The following GPAT3 variants were observed in gnomAD, a reference collection of about 807,000 sequenced individuals.
The protein encoded by GPAT3 is glycerol-3-phosphate acyltransferase 3.
GPAT3 carries 53 observed loss-of-function variants against 58.8 expected under a neutral mutation model. That is an observed-to-expected ratio of 0.90 (90% CI 0.72 to 1.13). The LOEUF (loss-of-function observed/expected upper bound fraction) is 1.13. Among genes scored for constraint, GPAT3 ranks in the 50% most tolerant of loss-of-function variants. The probability of loss-of-function intolerance (pLI) is 0.00; values close to 1 mark genes in which losing one functional copy is unlikely to be tolerated. For missense variants in GPAT3, 511 were observed against 527.6 expected, an observed-to-expected ratio of 0.97 and a Z score of 0.31; for synonymous variants, 197 against 187.4, an observed-to-expected ratio of 1.05 and a Z score of -0.42.
chr4:83,574,933 T>G (rs1413366473), intron 2 of GPAT3, among the ~76,000 whole-genome samples: 1 of 146,428 alleles, frequency 6.8e-6, no homozygotes, highest in Non-Finnish European at 1.5e-5. Flanking sequence ...CGGAGTGCAG[T>G]GGCGCGATCT....
chr4:83,536,244 A>G lies in GPAT3; in HGVS notation c.-379A>G. On this transcript the variant is annotated 5_prime_UTR_variant, in exon 1 of 12. Transcript: ENST00000264409. ...CTGAGTTGTCGCAATCGCCACCCAG[A>G]GGAAATCAGGCACCGGGCGGGGCGG... The G allele has an allele frequency of 9.9e-7, 1 of 1,006,646 alleles. No individual in the cohort carries two copies. The highest frequency in any genetic ancestry group is 1.2e-6 in the Non-Finnish European group (1 of 843,996). 62.4% of individuals were successfully genotyped at this position (1,006,646 alleles called of 1,614,324 possible). A position where few individuals can be genotyped will look rare whatever the true frequency, so the allele number is the denominator to read the frequency against.
At chr4:83,581,484 C>A in intron 2 of GPAT3, 78 bp from the exon 3 acceptor site, 2 of 1,453,018 alleles carry the variant, frequency 1.4e-6, no homozygotes, top group Non-Finnish European at 1.9e-6. Context: ...TATTTAACTT[C>A]TACACAGTTA....
chr4:83,595,861 T>G (rs1726807485), intron 7 of GPAT3, among the ~76,000 whole-genome samples: 1 of 152,210 alleles, frequency 6.6e-6, no homozygotes, highest in Admixed American at 6.5e-5. Flanking sequence ...GGTTATCGCT[T>G]CTATAAACAC....
intron 2 of GPAT3, among the ~76,000 whole-genome samples, chr4:83,556,859 C>A (rs1724962035): frequency 6.6e-6 from 1 of 151,940 alleles, no homozygotes; most frequent in South Asian, 2.1e-4. Flanking sequence ...TAACAAAATA[C>A]CATAGAGTGG....
chr4:83,600,457 C>T (rs1727014955), intron 11 of GPAT3, among the ~76,000 whole-genome samples: 1 of 152,046 alleles, frequency 6.6e-6, no homozygotes, highest in African/African-American at 2.4e-5. Context: ...AACATTCAGT[C>T]TATCTCAGTG....
intron 2 of GPAT3, among the ~76,000 whole-genome samples, chr4:83,565,762 C>T (rs1465483635): frequency 2.0e-5 from 3 of 152,204 alleles, no homozygotes; most frequent in East Asian, 3.9e-4. Flanking sequence ...GTTTAAAAGG[C>T]GGGTCCAGGG....
At chr4:83,562,944 T>C (rs535714734) in intron 2 of GPAT3, among the ~76,000 whole-genome samples, 6 of 152,188 alleles carry the variant, frequency 3.9e-5, no homozygotes, top group Non-Finnish European at 7.3e-5. Context: ...AACAAAAACA[T>C]TGAATGTGTT....
chr4:83,548,001 G>T (rs1173096332), intron 2 of GPAT3, among the ~76,000 whole-genome samples: 1 of 151,954 alleles, frequency 6.6e-6, no homozygotes, highest in African/African-American at 2.4e-5. Flanking sequence ...TAAGCTTAAG[G>T]ACTTTTCCTC....
At chr4:83,572,904 AG>A (rs1157080883) in intron 2 of GPAT3, among the ~76,000 whole-genome samples, 4 of 152,204 alleles carry the variant, frequency 2.6e-5, no homozygotes, top group African/African-American at 9.6e-5. Context: ...TGGTATATCT[AG>A]AGGTTAGCCT....
intron 2 of GPAT3, among the ~76,000 whole-genome samples, chr4:83,560,021 G>A (rs1725076055): frequency 6.6e-6 from 1 of 152,186 alleles, no homozygotes; most frequent in South Asian, 2.1e-4. Flanking sequence ...AGGAGCTTTG[G>A]TCTTTGTGAA....
intron 1 of GPAT3, among the ~76,000 whole-genome samples, chr4:83,543,269 T>A (rs969749706): frequency 4.0e-5 from 6 of 151,662 alleles, no homozygotes; most frequent in South Asian, 2.1e-4. Context: ...AAAAAAAAAA[T>A]TTTGTCTCTG....
In GPAT3 at chr4:83,539,640, A is replaced by G. The variant is rs554660493; in HGVS notation, c.141+2877A>G. The stretch of plus-strand genomic sequence containing the variant: ...TTCAAGTAATTATCATTTATTGAGC[A>G]CCTACTTCTATTTTCTTCTGCATTG... On this transcript the variant is annotated intron_variant, in intron 1 of 11. Coordinates refer to ENST00000264409, the MANE Select transcript of GPAT3 (RefSeq NM_032717.5). Among the ~76,000 whole-genome samples the G allele has an allele frequency of 3.7e-4, 56 of 152,302 alleles. 1 individual carries two copies. The South Asian group carries it at 8.5e-3, about 23-fold the overall frequency.
chr4:83,559,124 A>C (rs755907709), intron 2 of GPAT3, among the ~76,000 whole-genome samples: 2 of 152,258 alleles, frequency 1.3e-5, no homozygotes, highest in Non-Finnish European at 2.9e-5. Context: ...TAAATAGTTT[A>C]GAATTTTGGG....
chr4:83,587,149 A>G, intron 3 of GPAT3, 106 bp from the exon 4 acceptor site: 1 of 815,610 alleles, frequency 1.2e-6, no homozygotes, highest in South Asian at 1.7e-5. Flanking sequence ...ATATTTCATC[A>G]TGTGGATACT....
At chr4:83,583,667 G>GGAAAAAAAAAAA (rs1553947553) in intron 3 of GPAT3, among the ~76,000 whole-genome samples, 1 of 23,462 alleles carries the variant, frequency 4.3e-5, no homozygotes, top group African/African-American at 1.9e-4. Flanking sequence ...ACTCTTGTCT[G>GGAAAAAAAAAAA]AAAAAAAAAA....
intron 2 of GPAT3, among the ~76,000 whole-genome samples, chr4:83,576,595 C>T (rs940880061): frequency 6.6e-6 from 1 of 151,998 alleles, no homozygotes; most frequent in Non-Finnish European, 1.5e-5. Context: ...AGGTGTGTGG[C>T]ACCATGCCCA....
intron 2 of GPAT3, among the ~76,000 whole-genome samples, chr4:83,552,275 A>G (rs544003218): frequency 2.0e-5 from 3 of 152,336 alleles, no homozygotes; most frequent in South Asian, 2.1e-4. Context: ...AGTAGATGAC[A>G]GACAGTAGCA....
intron 2 of GPAT3, among the ~76,000 whole-genome samples, chr4:83,574,773 A>G (rs1382305457): frequency 6.7e-6 from 1 of 148,456 alleles, no homozygotes; most frequent in Non-Finnish European, 1.5e-5. Context: ...TGATAACAAA[A>G]CTAATGTAAT....
At chr4:83,603,063 T>G (rs889884520) in intron 11 of GPAT3, among the ~76,000 whole-genome samples, 9 of 152,206 alleles carry the variant, frequency 5.9e-5, no homozygotes, top group Admixed American at 5.2e-4. Context: ...CACATGGCAT[T>G]GAGTTCACTG....
Sources: gnomAD v4.1 joint callset for allele counts (sites outside exome capture counted in the v4.1 genomes callset) on GRCh38, gnomAD v4.1.1 for gene constraint, MANE v1.5 for transcripts, NCBI Gene and HGNC (gene_info 2026-07-23, HGNC 2026-07-21) for gene names.